The following TMEM255B variants were observed in gnomAD, a reference collection of about 807,000 sequenced individuals.
The protein encoded by TMEM255B is transmembrane protein 255B, also known as family with sequence similarity 70, member B.
In TMEM255B, 35 loss-of-function variants were observed where a neutral mutation model predicts 34.5. The ratio of observed to expected loss-of-function variants is 1.01; its 90% CI spans 0.77 to 1.34. TMEM255B has a LOEUF of 1.34. TMEM255B is among the 40% of genes most tolerant of loss of function. TMEM255B has a pLI of 0.00. For missense variants in TMEM255B, 432 were observed against 433.2 expected (o/e 1.00, Z 0.02); for synonymous variants, 206 against 201.2 (o/e 1.02, Z -0.20).
At chr13:113,808,286 G>A (rs1042265842) in intron 8 of TMEM255B, among the ~76,000 whole-genome samples, 2 of 152,218 alleles carry the variant, frequency 1.3e-5, no homozygotes, top group Admixed American at 6.5e-5. Context: ...CACCTTCCTT[G>A]CACCCAGCAG....
intron 4 of TMEM255B, among the ~76,000 whole-genome samples, chr13:113,796,531 C>G (rs2050944223): frequency 6.6e-6 from 1 of 151,870 alleles, no homozygotes; most frequent in African/African-American, 2.4e-5. Context: ...ACACACCACA[C>G]AGAGCACACA....
intron 3 of TMEM255B, among the ~76,000 whole-genome samples, chr13:113,776,715 C>T (rs920414435): frequency 6.6e-6 from 1 of 152,188 alleles, no homozygotes; most frequent in Non-Finnish European, 1.5e-5. Context: ...TCAGAGGGGT[C>T]GCTGACCTGG....
intron 5 of TMEM255B, chr13:113,800,063 CGT>C: frequency 3.3e-3 from 3,141 of 953,252 alleles, no homozygotes; most frequent in South Asian, 9.1e-3. Context: ...CGGGAGGCAT[CGT>C]GTGTGTGTGT....
rs2051407723 is a variant in TMEM255B at position 113,816,922 on chromosome 13, G to T, written c.*5019G>T. 6.6e-6 allele frequency: 1 copy of T among 152,156 alleles called. No homozygotes were observed. Among genetic ancestry groups the T allele is most frequent in the African/African-American group, 2.4e-5 (1 of 41,394 alleles). 9.4% of individuals were successfully genotyped at this position (152,156 alleles called of 1,614,324 possible). On this transcript the variant is annotated 3_prime_UTR_variant, in exon 9 of 9. Transcript: ENST00000375353. Reference sequence around the variant, plus strand: ...TGTGGCTGGAGCTTCTCCTACAAATGGGCTGTGCTGGGATTAGCCCGGCTG... The same window carrying T: ...TGTGGCTGGAGCTTCTCCTACAAATTGGCTGTGCTGGGATTAGCCCGGCTG...
intron 2 of TMEM255B, chr13:113,768,063 TAAAG>T (rs1454832587): frequency 3.3e-5 from 13 of 397,706 alleles, no homozygotes; most frequent in African/African-American, 2.5e-4. Flanking sequence ...ACTATTTACA[TAAAG>T]AAGTCCGGTT....
intron 7 of TMEM255B, among the ~76,000 whole-genome samples, chr13:113,802,419 C>A (rs936765001): frequency 6.6e-6 from 1 of 152,206 alleles, no homozygotes; most frequent in Non-Finnish European, 1.5e-5. Context: ...CAGCAAACCC[C>A]GCCCCCTGAA....
chr13:113,781,975 T>C (rs1417573377), intron 3 of TMEM255B, among the ~76,000 whole-genome samples: 1 of 152,226 alleles, frequency 6.6e-6, no homozygotes, highest in Non-Finnish European at 1.5e-5. Flanking sequence ...TAATTTCTTA[T>C]ATCCCCAGGC....
At chr13:113,759,642 T>G (rs1373340155) in intron 1 of TMEM255B, among the ~76,000 whole-genome samples, 1 of 152,220 alleles carries the variant, frequency 6.6e-6, no homozygotes, top group Non-Finnish European at 1.5e-5. Flanking sequence ...GGCCTCTCTC[T>G]CCCTGTTACG....
At position 113,812,936 on chromosome 13, in the gene TMEM255B, GGGTC is replaced by G; in HGVS notation, c.*1034_*1037del. On this transcript the variant is annotated 3_prime_UTR_variant, in exon 9 of 9. Transcript: ENST00000375353. Reference sequence around the variant, plus strand: ...CCCGGGTGAGTCACGGGTCCCGGGTGGGTCACGGGTCCCGGGTGGGTCACGGGCC... The same window carrying G: ...CCCGGGTGAGTCACGGGTCCCGGGTGACGGGTCCCGGGTGGGTCACGGGCC... 7.2e-6 allele frequency: 1 copy of G among 138,206 alleles called. No homozygotes were observed. Among genetic ancestry groups the G allele is most frequent in the Non-Finnish European group, 1.5e-5 (1 of 64,532 alleles). The allele number at this position is 138,206 out of a possible 1,614,324, so 8.6% of individuals were successfully genotyped here. A position where few individuals can be genotyped will look rare whatever the true frequency, so the allele number is the denominator to read the frequency against.
intron 3 of TMEM255B, among the ~76,000 whole-genome samples, chr13:113,782,618 C>T (rs2050680578): frequency 1.3e-5 from 2 of 151,880 alleles, no homozygotes; most frequent in Non-Finnish European, 2.9e-5. Context: ...ATCCGGGCAC[C>T]CTCAGTCCTC....
rs1390870379 is a variant in TMEM255B at position 113,812,103 on chromosome 13, G to GTGACAC, written c.*201_*206dup. The GTGACAC allele has an allele frequency of 3.1e-6, 2 of 653,666 alleles. No individual in the cohort carries two copies. The highest frequency in any genetic ancestry group is 5.1e-6 in the Non-Finnish European group (2 of 394,486). 40.5% of individuals were successfully genotyped at this position (653,666 alleles called of 1,614,324 possible). On this transcript the variant is annotated 3_prime_UTR_variant, in exon 9 of 9. Coordinates refer to ENST00000375353, the MANE Select transcript of TMEM255B (RefSeq NM_182614.4). The stretch of plus-strand genomic sequence containing the variant: ...AGTGGGGCCCTCCAGACCCAGGCTG[G>GTGACAC]TGACACCTTGGCTTGGGCTCTGCTC...
intron 7 of TMEM255B, among the ~76,000 whole-genome samples, chr13:113,804,681 G>A (rs1291319797): frequency 2.3e-5 from 3 of 133,306 alleles, no homozygotes; most frequent in Non-Finnish European, 4.8e-5. Flanking sequence ...ATAAACGCAC[G>A]CCGGGCCGGG....
intron 5 of TMEM255B, 183 bp downstream of exon 5, chr13:113,799,602 G>A: frequency 7.8e-6 from 5 of 643,602 alleles, no homozygotes; most frequent in South Asian, 1.9e-5. Context: ...TCGATGTGCT[G>A]TATTTCACTC....
intron 3 of TMEM255B, among the ~76,000 whole-genome samples, chr13:113,777,675 G>A (rs1476573673): frequency 6.6e-6 from 1 of 152,224 alleles, no homozygotes; most frequent in African/African-American, 2.4e-5. Context: ...TCTTGGGAAG[G>A]GAATCCCCAG....
chr13:113,800,329 G>GTGTGTGTGTC (rs2051027925), intron 5 of TMEM255B, among the ~76,000 whole-genome samples: 1 of 149,474 alleles, frequency 6.7e-6, no homozygotes, highest in African/African-American at 2.5e-5. Context: ...GTGTGTGTGT[G>GTGTGTGTGTC]TGTGTGTGTG....
chr13:113,786,566 GTCA>G (rs1482639670), intron 3 of TMEM255B, among the ~76,000 whole-genome samples: 1 of 149,460 alleles, frequency 6.7e-6, no homozygotes, highest in Non-Finnish European at 1.5e-5. Flanking sequence ...CATCATCACC[GTCA>G]TCACCATCAT....
In TMEM255B at chr13:113,764,467, CAGA is replaced by C. The variant is rs146503342; in HGVS notation, c.47-1645_47-1643del. Among the ~76,000 whole-genome samples, 24 of 152,284 alleles carry C rather than the reference CAGA, an allele frequency of 1.6e-4. No homozygotes were observed. In the East Asian group the frequency reaches 4.4e-3, roughly 28 times the overall value. On this transcript the variant is annotated intron_variant, in intron 1 of 8. Coordinates refer to ENST00000375353, the MANE Select transcript of TMEM255B (RefSeq NM_182614.4). ...TCTGGTGTCTCAGGAGGGTGGCTTT[CAGA>C]AGGAGGGCCTCACTCCACACCAGTG...
At chr13:113,766,286 C>T (rs200648128) in intron 2 of TMEM255B, 29 bp downstream of exon 2, 131 of 1,612,854 alleles carry the variant, frequency 8.1e-5, no homozygotes, top group Middle Eastern at 1.7e-4. Context: ...CGGCCTGGGC[C>T]GGGGAGGGCA....
intron 8 of TMEM255B, among the ~76,000 whole-genome samples, chr13:113,805,596 A>G (rs1319220203): frequency 6.6e-6 from 1 of 152,194 alleles, no homozygotes; most frequent in Non-Finnish European, 1.5e-5. Flanking sequence ...TGCTGTGGCC[A>G]TGGGTGAAAC....
Sources: gnomAD v4.1 joint callset for allele counts (sites outside exome capture counted in the v4.1 genomes callset) on GRCh38, gnomAD v4.1.1 for gene constraint, MANE v1.5 for transcripts, NCBI Gene and HGNC (gene_info 2026-07-23, HGNC 2026-07-21) for gene names.